NBAS: variants seen among roughly 807,000 people sequenced by gnomAD.
NBAS encodes NBAS subunit of NRZ tethering complex.
A neutral mutation model predicts 302.5 loss-of-function variants in NBAS; 219 were observed. That is an observed-to-expected ratio of 0.72 (90% confidence interval 0.65 to 0.81). NBAS has a LOEUF of 0.81. Among genes scored for constraint, NBAS ranks in the 30% least tolerant of loss-of-function variants. NBAS has a pLI of 0.00. For missense variants in NBAS, 2,932 were observed against 2,841.6 expected, an observed-to-expected ratio of 1.03 and a Z score of -0.72; for synonymous variants, 1,118 against 1,021.6, an observed-to-expected ratio of 1.09 and a Z score of -1.80.
chr2:15,199,763 T>G (rs1410822372), intron 48 of NBAS, among the ~76,000 whole-genome samples: 1 of 152,138 alleles, frequency 6.6e-6, no homozygotes, highest in East Asian at 1.9e-4. Context: ...ACTTATATGA[T>G]GATTGTGAAT....
chr2:14,939,548 C>T, the NBAS span, among the ~76,000 whole-genome samples: 25,721 of 152,182 alleles, frequency 0.17, 2,752 homozygotes, highest in Non-Finnish European at 0.24. Flanking sequence ...CTGCATTCTG[C>T]CTCTTCTGAT....
At chr2:15,345,719 T>A (rs749589670) in intron 35 of NBAS, among the ~76,000 whole-genome samples, 16 of 151,910 alleles carry the variant, frequency 1.1e-4, no homozygotes, top group Non-Finnish European at 2.1e-4. Context: ...GCAAAAAGAA[T>A]CAAGCTAGAG....
the NBAS span, among the ~76,000 whole-genome samples, chr2:15,029,652 C>T: frequency 1.3e-5 from 2 of 152,164 alleles, no homozygotes; most frequent in African/African-American, 2.4e-5. Context: ...GATAGGTTTT[C>T]GTGTTCTTGT....
At chr2:15,115,261 C>G in the NBAS span, among the ~76,000 whole-genome samples, 1 of 152,122 alleles carries the variant, frequency 6.6e-6, no homozygotes. Context: ...CATGCCATCA[C>G]AAAATTGTTT....
At chr2:15,321,063 C>A (rs1039158331) in intron 38 of NBAS, among the ~76,000 whole-genome samples, 1 of 152,250 alleles carries the variant, frequency 6.6e-6, no homozygotes, top group Non-Finnish European at 1.5e-5. Context: ...ACCAATGGAA[C>A]AGAACAGAGC....
At chr2:14,984,233 C>T in the NBAS span, among the ~76,000 whole-genome samples, 14 of 152,218 alleles carry the variant, frequency 9.2e-5, no homozygotes, top group Admixed American at 2.6e-4. Context: ...TTTAACTCCA[C>T]GCCCTGACTT....
intron 47 of NBAS, among the ~76,000 whole-genome samples, chr2:15,227,382 T>C (rs1434140196): frequency 6.6e-6 from 1 of 152,170 alleles, no homozygotes; most frequent in Admixed American, 6.6e-5. Context: ...CGATATTCCA[T>C]GTTCATGGAT....
the NBAS span, among the ~76,000 whole-genome samples, chr2:14,788,601 G>T: frequency 6.6e-6 from 1 of 152,174 alleles, no homozygotes; most frequent in East Asian, 1.9e-4. Flanking sequence ...GACCCTGTTT[G>T]CCTGGCCACA....
the NBAS span, among the ~76,000 whole-genome samples, chr2:14,935,872 A>G: frequency 6.6e-6 from 1 of 152,122 alleles, no homozygotes; most frequent in Non-Finnish European, 1.5e-5. Flanking sequence ...GGCTTCCCCA[A>G]AATTAAAGCC....
chr2:14,917,697 G>A, the NBAS span, among the ~76,000 whole-genome samples: 1 of 152,180 alleles, frequency 6.6e-6, no homozygotes, highest in Non-Finnish European at 1.5e-5. Context: ...CCATTCACAT[G>A]CCCTGAGGCA....
At chr2:15,292,868 C>T in intron 40 of NBAS, 102 bp from the exon 41 acceptor site, 4 of 1,150,702 alleles carry the variant, frequency 3.5e-6, no homozygotes, top group South Asian at 1.3e-5. Flanking sequence ...AACTGTTTGG[C>T]CCTGTACACT....
chr2:15,137,608 C>T, the NBAS span, among the ~76,000 whole-genome samples: 2 of 151,980 alleles, frequency 1.3e-5, no homozygotes, highest in African/African-American at 4.8e-5. Context: ...TTCAGTTTTT[C>T]CCCCAAAAAA....
chr2:15,386,694 T>C (rs1441776573), intron 28 of NBAS, among the ~76,000 whole-genome samples: 2 of 152,246 alleles, frequency 1.3e-5, no homozygotes, highest in East Asian at 1.9e-4. Flanking sequence ...ATAGTTACCC[T>C]TTATTTTATG....
At chr2:15,471,313 GCT>G (rs1679947726) in intron 16 of NBAS, among the ~76,000 whole-genome samples, 1 of 152,072 alleles carries the variant, frequency 6.6e-6, no homozygotes, top group South Asian at 2.1e-4. Context: ...TACCTCTCAT[GCT>G]CTTTCACCTC....
chr2:15,265,250 G>T (rs1256182192), intron 44 of NBAS, among the ~76,000 whole-genome samples: 1 of 152,066 alleles, frequency 6.6e-6, no homozygotes, highest in Non-Finnish European at 1.5e-5. Flanking sequence ...AATCTCATGC[G>T]ATCAACATCA....
At chr2:14,933,583 G>C in the NBAS span, among the ~76,000 whole-genome samples, 1 of 152,068 alleles carries the variant, frequency 6.6e-6, no homozygotes, top group Non-Finnish European at 1.5e-5. Context: ...CTGGCATCCT[G>C]AACAAATGAC....
At chr2:15,227,242 G>A (rs1667185280) in intron 47 of NBAS, among the ~76,000 whole-genome samples, 1 of 151,862 alleles carries the variant, frequency 6.6e-6, no homozygotes, top group South Asian at 2.1e-4. Context: ...AAGAAAGAAA[G>A]CAATTTCATT....
At chr2:14,907,196 C>T in the NBAS span, among the ~76,000 whole-genome samples, 4 of 152,194 alleles carry the variant, frequency 2.6e-5, no homozygotes, top group African/African-American at 9.7e-5. Flanking sequence ...CTAGTTGGGC[C>T]AGCCTCCTGC....
the NBAS span, among the ~76,000 whole-genome samples, chr2:14,951,176 A>C: frequency 6.6e-6 from 1 of 152,232 alleles, no homozygotes; most frequent in South Asian, 2.1e-4. Flanking sequence ...CCTAGTACAC[A>C]GAAGAAAGGA....
Sources: allele counts gnomAD v4.1 joint callset (sites outside exome capture counted in the v4.1 genomes callset), GRCh38; gene constraint gnomAD v4.1.1; transcripts MANE v1.5; gene names NCBI Gene and HGNC (gene_info 2026-07-23, HGNC 2026-07-21).